LMNTD1: variants seen among roughly 807,000 people sequenced by gnomAD.
LMNTD1 encodes the protein lamin tail domain containing 1.
A neutral mutation model predicts 50.9 loss-of-function variants in LMNTD1; 35 were observed. That is an observed-to-expected ratio of 0.69 (90% CI 0.53 to 0.91). The LOEUF is 0.91. Ranked by LOEUF, LMNTD1 falls within the 40% of genes least tolerant of loss-of-function variation. LMNTD1 has a pLI of 0.00. For synonymous variants in LMNTD1, 153 were observed against 161.9 expected, an observed-to-expected ratio of 0.94 and a Z score of 0.42; for missense variants, 470 against 475.5, an observed-to-expected ratio of 0.99 and a Z score of 0.11.
intron 1 of LMNTD1, among the ~76,000 whole-genome samples, chr12:25,643,347 C>T (rs541037977): frequency 2.6e-5 from 4 of 152,132 alleles, no homozygotes; most frequent in African/African-American, 7.2e-5. Flanking sequence ...CCAGAGACCC[C>T]GACACCTGGT....
intron 6 of LMNTD1, among the ~76,000 whole-genome samples, chr12:25,521,508 G>C (rs956881176): frequency 4.1e-4 from 63 of 152,278 alleles, no homozygotes; most frequent in African/African-American, 1.5e-3. Flanking sequence ...ACGCATCTTG[G>C]CCTTAGTTTC....
At chr12:25,516,495 A>C (rs1337622001) in intron 8 of LMNTD1, among the ~76,000 whole-genome samples, 1 of 152,204 alleles carries the variant, frequency 6.6e-6, no homozygotes, top group African/African-American at 2.4e-5. Flanking sequence ...ACATAAATTA[A>C]TGTATTTCTT....
Position 25,646,044 on chromosome 12 carries a change from A to C in LMNTD1, c.58+2450T>G, listed in dbSNP as rs1010982811. On this transcript the variant is annotated intron_variant, in intron 1 of 7. Coordinates refer to the LMNTD1 transcript ENST00000445693. ...GGTTGGTTATTGCATTGTATCTAAT[A>C]ATTCTGATGATAGGATTGAAGTCCT... is the stretch of plus-strand genomic sequence containing the variant. 2.0e-5 allele frequency among the ~76,000 whole-genome samples: 3 copies of C among 152,102 alleles called. No individual in the cohort carries two copies. The South Asian group carries it at 6.2e-4, about 32-fold the overall frequency.
intron 1 of LMNTD1, among the ~76,000 whole-genome samples, chr12:25,565,147 C>G (rs1944502289): frequency 6.6e-6 from 1 of 151,792 alleles, no homozygotes; most frequent in Non-Finnish European, 1.5e-5. Flanking sequence ...TTCAGCCACT[C>G]TATGTCTTTT....
chr12:25,530,460 T>C (rs1019766722), intron 4 of LMNTD1, among the ~76,000 whole-genome samples: 1 of 152,208 alleles, frequency 6.6e-6, no homozygotes, highest in South Asian at 2.1e-4. Context: ...TATGTATATA[T>C]GTGTGTGAGA....
intron 1 of LMNTD1, among the ~76,000 whole-genome samples, chr12:25,588,000 T>C (rs1945593181): frequency 6.6e-6 from 1 of 152,190 alleles, no homozygotes; most frequent in Non-Finnish European, 1.5e-5. Context: ...AGTTATAACT[T>C]GTCAAGCTGT....
At chr12:25,613,240 C>T (rs955605377) in intron 1 of LMNTD1, among the ~76,000 whole-genome samples, 3 of 152,192 alleles carry the variant, frequency 2.0e-5, no homozygotes, top group Non-Finnish European at 2.9e-5. Flanking sequence ...AAAGTCAATG[C>T]ACCACACAGA....
chr12:25,642,357 G>T (rs963495419), intron 1 of LMNTD1, among the ~76,000 whole-genome samples: 1 of 152,130 alleles, frequency 6.6e-6, no homozygotes, highest in Non-Finnish European at 1.5e-5. Context: ...CTTTATAAGG[G>T]GGTGAGAAAA....
chr12:25,586,178 T>C (rs1447201850), intron 1 of LMNTD1: 1 of 152,228 alleles, frequency 6.6e-6, no homozygotes, highest in Non-Finnish European at 1.5e-5. Flanking sequence ...TGATTTTTTT[T>C]CTTGTTTTAA....
At chr12:25,575,561 G>T (rs928275149) in intron 1 of LMNTD1, among the ~76,000 whole-genome samples, 4 of 152,138 alleles carry the variant, frequency 2.6e-5, no homozygotes, top group Admixed American at 2.0e-4. Flanking sequence ...TAAAGACAAA[G>T]AAAGGTCTGC....
intron 8 of LMNTD1, among the ~76,000 whole-genome samples, chr12:25,509,820 C>G (rs994935919): frequency 6.6e-6 from 1 of 152,046 alleles, no homozygotes; most frequent in Non-Finnish European, 1.5e-5. Flanking sequence ...GATCAACAAG[C>G]CAAGGAGTAT....
At chr12:25,640,803 C>T (rs751493701) in intron 1 of LMNTD1, among the ~76,000 whole-genome samples, 1 of 152,036 alleles carries the variant, frequency 6.6e-6, no homozygotes, top group Non-Finnish European at 1.5e-5. Flanking sequence ...GCTGGGACTA[C>T]AGGTGCCCAC....
At chr12:25,511,824 T>C (rs1940321795) in intron 8 of LMNTD1, among the ~76,000 whole-genome samples, 1 of 152,200 alleles carries the variant, frequency 6.6e-6, no homozygotes, top group Admixed American at 6.5e-5. Flanking sequence ...TTCAGTCGGA[T>C]ACAATTTCTG....
At chr12:25,522,142 G>C (rs1941362734) in intron 6 of LMNTD1, among the ~76,000 whole-genome samples, 1 of 152,132 alleles carries the variant, frequency 6.6e-6, no homozygotes, top group Non-Finnish European at 1.5e-5. Context: ...GCTTCTAGCA[G>C]AGAAAGAAGA....
chr12:25,519,750 G>T, intron 7 of LMNTD1, 108 bp downstream of exon 7: 3 of 724,832 alleles, frequency 4.1e-6, no homozygotes, highest in Non-Finnish European at 7.0e-6. Context: ...AATCACTATT[G>T]ATTTAATTTA....
chr12:25,600,225 T>C (rs1383234560), intron 1 of LMNTD1, among the ~76,000 whole-genome samples: 2 of 152,072 alleles, frequency 1.3e-5, no homozygotes, highest in Non-Finnish European at 1.5e-5. Flanking sequence ...TAAATTGTGC[T>C]GGGAAAACTG....
At chr12:25,638,725 A>G (rs984579022) in intron 1 of LMNTD1, among the ~76,000 whole-genome samples, 1 of 152,146 alleles carries the variant, frequency 6.6e-6, no homozygotes, top group African/African-American at 2.4e-5. Flanking sequence ...AGATAAGAAG[A>G]CATAACATTG....
chr12:25,617,407 C>T (rs920239896), intron 1 of LMNTD1, among the ~76,000 whole-genome samples: 1 of 152,150 alleles, frequency 6.6e-6, no homozygotes, highest in Non-Finnish European at 1.5e-5. Context: ...CAGGTGTCTA[C>T]TGTAGACAAG....
At chr12:25,484,784 T>C (rs1434136361) in intron 9 of LMNTD1, among the ~76,000 whole-genome samples, 1 of 146,274 alleles carries the variant, frequency 6.8e-6, no homozygotes, top group Admixed American at 6.9e-5. Flanking sequence ...GATAGTTTAC[T>C]GAGAATGATG....
Sources: gnomAD v4.1 joint callset for allele counts (sites outside exome capture counted in the v4.1 genomes callset) on GRCh38, gnomAD v4.1.1 for gene constraint, MANE v1.5 for transcripts, NCBI Gene and HGNC (gene_info 2026-07-23, HGNC 2026-07-21) for gene names.